Variants in UTRN observed in about 807,000 individuals in gnomAD.
UTRN encodes the protein utrophin, also known as dystrophin-related protein 1.
UTRN carries 283 observed loss-of-function variants against 463.9 expected under a neutral mutation model. That is an observed-to-expected ratio of 0.61 (90% CI 0.55 to 0.67). UTRN has a LOEUF of 0.67. UTRN is among the 30% of genes least tolerant of loss of function. The probability of loss-of-function intolerance (pLI) is 0.00; values close to 1 mark genes in which losing one functional copy is unlikely to be tolerated. For synonymous variants in UTRN, 1,442 were observed against 1,431.5 expected (o/e 1.01, Z -0.17); for missense variants, 3,922 against 4,084.3 (o/e 0.96, Z 1.08).
At chr6:144,611,973 A>G (rs1418079324) in intron 51 of UTRN, among the ~76,000 whole-genome samples, 3 of 152,208 alleles carry the variant, frequency 2.0e-5, no homozygotes, top group Non-Finnish European at 4.4e-5. Flanking sequence ...CATGTTATAA[A>G]GAGACTGTAA....
At chr6:144,561,271 A>C (rs1490443474) in intron 50 of UTRN, among the ~76,000 whole-genome samples, 1 of 138,370 alleles carries the variant, frequency 7.2e-6, no homozygotes, top group Non-Finnish European at 1.6e-5. Flanking sequence ...ACATACACAC[A>C]CACACGTATA....
intron 66 of UTRN, among the ~76,000 whole-genome samples, chr6:144,824,587 TATATATATATATATATATATATATATC>T (rs1779945274): frequency 7.8e-5 from 3 of 38,470 alleles, no homozygotes; most frequent in African/African-American, 1.5e-4. Flanking sequence ...TATATATATA[TATATATATATATATATATATATATATC>T]TTTTTTTTTT....
At chr6:144,632,442 G>GT (rs981003566) in intron 51 of UTRN, among the ~76,000 whole-genome samples, 12 of 151,906 alleles carry the variant, frequency 7.9e-5, no homozygotes, top group East Asian at 3.9e-4. Context: ...TTGAGGTGCA[G>GT]TTTTTTTTCT....
chr6:144,828,940 C>A, intron 69 of UTRN, 85 bp downstream of exon 69: 6 of 1,461,084 alleles, frequency 4.1e-6, no homozygotes, highest in Non-Finnish European at 5.7e-6. Context: ...TGATGTGGCT[C>A]TGAATCTTGA....
intron 73 of UTRN, among the ~76,000 whole-genome samples, chr6:144,844,270 C>CTTT (rs543418042): frequency 5.6e-5 from 8 of 143,652 alleles, no homozygotes; most frequent in Non-Finnish European, 1.1e-4. Context: ...CTTTCTCTCT[C>CTTT]TTTTTTTTTT....
At chr6:144,604,890 G>C (rs1400905737) in intron 51 of UTRN, among the ~76,000 whole-genome samples, 1 of 152,080 alleles carries the variant, frequency 6.6e-6, no homozygotes, top group African/African-American at 2.4e-5. Flanking sequence ...ACTCCAGCCT[G>C]GGTGACAAGA....
intron 53 of UTRN, among the ~76,000 whole-genome samples, chr6:144,720,875 G>C (rs1431660146): frequency 6.6e-6 from 1 of 152,128 alleles, no homozygotes; most frequent in Admixed American, 6.5e-5. Context: ...TTCTGGGCTA[G>C]TATTGTTCTC....
intron 68 of UTRN, 138 bp downstream of exon 68, chr6:144,827,814 T>G: frequency 9.4e-7 from 1 of 1,067,788 alleles, no homozygotes; most frequent in Non-Finnish European, 1.3e-6. Context: ...TATTTGGAAT[T>G]TGGGCTCTCA....
chr6:144,417,756 A>G (rs774285415), intron 3 of UTRN, among the ~76,000 whole-genome samples: 3 of 152,308 alleles, frequency 2.0e-5, no homozygotes, highest in African/African-American at 7.2e-5. Flanking sequence ...TTATTTGTTT[A>G]TGTATTCTCT....
At chr6:144,534,863 T>C (rs1420885558) in intron 43 of UTRN, among the ~76,000 whole-genome samples, 2 of 152,206 alleles carry the variant, frequency 1.3e-5, no homozygotes, top group Non-Finnish European at 2.9e-5. Flanking sequence ...CAATTTTCTA[T>C]AAATTTCTTC....
At chr6:144,578,063 C>T (rs993971214) in intron 51 of UTRN, among the ~76,000 whole-genome samples, 4 of 151,958 alleles carry the variant, frequency 2.6e-5, no homozygotes, top group Non-Finnish European at 4.4e-5. Context: ...ATTAGTCGGG[C>T]GTGGTGGTGC....
chr6:144,758,789 C>T (rs1792302261), intron 58 of UTRN, among the ~76,000 whole-genome samples: 1 of 151,986 alleles, frequency 6.6e-6, no homozygotes, highest in Admixed American at 6.6e-5. Flanking sequence ...TCATAGTTGA[C>T]CCTATTTTAT....
chr6:144,716,501 G>A (rs1381656196), intron 53 of UTRN, among the ~76,000 whole-genome samples: 1 of 152,086 alleles, frequency 6.6e-6, no homozygotes, highest in Non-Finnish European at 1.5e-5. Flanking sequence ...CAAAAAATGG[G>A]CTTCTAAACA....
intron 62 of UTRN, among the ~76,000 whole-genome samples, chr6:144,790,440 A>C (rs1419543097): frequency 6.6e-6 from 1 of 152,054 alleles, no homozygotes; most frequent in African/African-American, 2.4e-5. Flanking sequence ...ATTTTCTGGG[A>C]TTTCTGTGAG....
At chr6:144,348,677 G>C (rs551985779) in intron 2 of UTRN, among the ~76,000 whole-genome samples, 29 of 152,190 alleles carry the variant, frequency 1.9e-4, no homozygotes, top group Non-Finnish European at 4.0e-4. Flanking sequence ...GCTCATGCCT[G>C]TAATCCCAGC....
Position 144,451,471 on chromosome 6 carries a change from C to T in UTRN, c.2174C>T (p.Ser725Phe). The T allele has an allele frequency of 1.2e-6, 2 of 1,609,604 alleles. No individual in the cohort carries two copies. The highest frequency in any genetic ancestry group is 1.7e-6 in the Non-Finnish European group (2 of 1,178,718). The change falls in exon 18 of 75, where the codon TCC (serine) becomes TTC (phenylalanine). Residue 725 changes from serine to phenylalanine, a missense_variant. Ser to Phe is a radical substitution (Grantham distance 155). This residue lies in a region of UTRN where 2,349 missense variants were observed against 2,303.8 expected (regional missense o/e 1.02). Transcript: ENST00000367545. ...IKEYMKMQDTSEMKKKLKALE... is the reference protein window; with the variant it reads ...IKEYMKMQDTFEMKKKLKALE... ...GAGTATATGAAGATGCAAGACACTT[C>T]CGAAATGAAAAAGAAGTTGAAGGTA...
chr6:144,357,408 G>T (rs1024977722), intron 2 of UTRN, among the ~76,000 whole-genome samples: 1 of 152,212 alleles, frequency 6.6e-6, no homozygotes, highest in Non-Finnish European at 1.5e-5. Context: ...GGGCAGGTGA[G>T]ACTAGACTTA....
At chr6:144,293,885 ATGTGTGTGATG>A (rs1562712259) in intron 2 of UTRN, among the ~76,000 whole-genome samples, 1 of 146,062 alleles carries the variant, frequency 6.8e-6, no homozygotes, top group Non-Finnish European at 1.5e-5. Flanking sequence ...AGTGATACAG[ATGTGTGTGATG>A]TGTGTGTGTG....
chr6:144,603,209 T>C (rs564977422), intron 51 of UTRN, among the ~76,000 whole-genome samples: 1 of 152,360 alleles, frequency 6.6e-6, no homozygotes, highest in Admixed American at 6.5e-5. Flanking sequence ...TCTGGACAAA[T>C]AGCTTTCTGA....
Sources: allele counts gnomAD v4.1 joint callset (sites outside exome capture counted in the v4.1 genomes callset), GRCh38; gene constraint gnomAD v4.1.1; regional missense constraint gnomAD v4.1.1; transcripts MANE v1.5; gene names NCBI Gene and HGNC (gene_info 2026-07-23, HGNC 2026-07-21).